The following FANCA variants were observed in gnomAD, a reference collection of about 807,000 sequenced individuals.
FANCA encodes FA complementation group A, also known as Fanconi anemia group A protein.
In FANCA, 236 loss-of-function variants were observed where a neutral mutation model predicts 194.3. That is an observed-to-expected ratio of 1.21 (90% CI 1.09 to 1.35). The LOEUF is 1.35. Among genes scored for constraint, FANCA ranks in the 40% most tolerant of loss-of-function variants. FANCA has a pLI of 0.00. For synonymous variants in FANCA, 1,014 were observed against 715.8 expected (o/e 1.42, Z -6.65); for missense variants, 2,628 against 1,813.9 (o/e 1.45, Z -8.15).
chr16:89,776,302 G>A (rs1056770904), intron 20 of FANCA, among the ~76,000 whole-genome samples: 3 of 150,692 alleles, frequency 2.0e-5, no homozygotes, highest in Admixed American at 6.6e-5. Context: ...CGAGTAGGTG[G>A]GATTACAGGC....
At chr16:89,813,868 T>G (rs2041001033) in intron 3 of FANCA, among the ~76,000 whole-genome samples, 1 of 152,070 alleles carries the variant, frequency 6.6e-6, no homozygotes, top group Admixed American at 6.6e-5. Context: ...TAACTATATC[T>G]TTAGCAGAAA....
chr16:89,776,458 C>T (rs2039509827), intron 20 of FANCA, among the ~76,000 whole-genome samples: 1 of 151,642 alleles, frequency 6.6e-6, no homozygotes, highest in African/African-American at 2.4e-5. Flanking sequence ...TGAGCCACCA[C>T]GCCCAGCAAA....
chr16:89,741,826 T>C (rs1420685761), intron 37 of FANCA, among the ~76,000 whole-genome samples: 1 of 152,218 alleles, frequency 6.6e-6, no homozygotes, highest in African/African-American at 2.4e-5. Context: ...TCAAGGCTAC[T>C]GCAGCATGAA....
intron 14 of FANCA, among the ~76,000 whole-genome samples, chr16:89,790,489 G>C (rs1339406523): frequency 6.6e-6 from 1 of 150,464 alleles, no homozygotes; most frequent in African/African-American, 2.5e-5. Context: ...CCAGCACTTT[G>C]GGAGGACAAG....
At chr16:89,805,254 G>A in intron 7 of FANCA, 26 bp downstream of exon 7, 1 of 1,574,554 alleles carries the variant, frequency 6.4e-7, no homozygotes, top group Non-Finnish European at 8.7e-7. Flanking sequence ...TTTTACCCAA[G>A]AACCCGCATC....
rs773036631 is a variant in FANCA at position 89,808,387 on chromosome 16, A to G, written c.523-20T>C. ...AGAACTCTGAAAAACAAAACAAAAC[A>G]AACAAAAACAAAAACAAAAAAACCC... is the stretch of plus-strand genomic sequence containing the variant. On this transcript the variant is annotated intron_variant, in intron 5 of 42. Coordinates refer to ENST00000389301, the MANE Select transcript of FANCA (RefSeq NM_000135.4). 1.2e-6 allele frequency: 2 copies of G among 1,609,656 alleles called. No homozygotes were observed. Among genetic ancestry groups the G allele is most frequent in the East Asian group, 4.5e-5 (2 of 44,868 alleles).
intron 11 of FANCA, among the ~76,000 whole-genome samples, chr16:89,795,551 T>C (rs1032838983): frequency 6.6e-6 from 1 of 151,938 alleles, no homozygotes; most frequent in Non-Finnish European, 1.5e-5. Context: ...GACACGAGAA[T>C]TGCTTGAACC....
At chr16:89,779,261 G>A (rs1000597838) in intron 18 of FANCA, among the ~76,000 whole-genome samples, 15 of 152,100 alleles carry the variant, frequency 9.9e-5, no homozygotes, top group African/African-American at 3.6e-4. Flanking sequence ...ATCAATCTGA[G>A]GCCACGAGGA....
chr16:89,779,720 A>C, intron 18 of FANCA, 149 bp downstream of exon 18: 2 of 729,060 alleles, frequency 2.7e-6, no homozygotes, highest in Non-Finnish European at 4.9e-6. Flanking sequence ...AATGGGACAC[A>C]CTCCAAAGAG....
Position 89,742,948 on chromosome 16 carries a change from A to G in FANCA, c.3627-10T>C. The G allele has an allele frequency of 6.2e-7, 1 of 1,613,570 alleles. No homozygotes were observed. The highest frequency in any genetic ancestry group is 1.1e-5 in the South Asian group (1 of 91,062). On this transcript the variant is annotated splice_polypyrimidine_tract_variant and intron_variant, in intron 36 of 42. Coordinates refer to ENST00000389301, the MANE Select transcript of FANCA (RefSeq NM_000135.4). ...CTCAGGGGAGAGGAAACTGGGACAG[A>G]GAGAACGGGGTCATTGCAGGGCCTT...
At chr16:89,807,535 A>C (rs1308281204) in intron 6 of FANCA, among the ~76,000 whole-genome samples, 1 of 152,004 alleles carries the variant, frequency 6.6e-6, no homozygotes, top group African/African-American at 2.4e-5. Flanking sequence ...GAATCACCTG[A>C]GGTTAGGAGT....
chr16:89,776,920 A>ATTT (rs2039525930), intron 20 of FANCA, among the ~76,000 whole-genome samples: 1 of 152,084 alleles, frequency 6.6e-6, no homozygotes, highest in Non-Finnish European at 1.5e-5. Context: ...TCTTAACATG[A>ATTT]TAAAGGGTAA....
chr16:89,767,598 G>A (rs138827439), intron 26 of FANCA, among the ~76,000 whole-genome samples: 2 of 152,166 alleles, frequency 1.3e-5, no homozygotes, highest in African/African-American at 4.8e-5. Flanking sequence ...TGCCAAGCCG[G>A]AGTAGAGTGG....
chr16:89,795,938 G>C lies in FANCA; in HGVS notation c.974C>G (p.Thr325Ser), dbSNP rs959066471. 1 of 1,614,100 alleles carries C rather than the reference G, an allele frequency of 6.2e-7. No individual in the cohort carries two copies. Among genetic ancestry groups the C allele is most frequent in the Non-Finnish European group, 8.5e-7 (1 of 1,179,938 alleles). Residue 325 changes from threonine (T) to serine (S), a missense_variant, in exon 11 of 43, where the codon ACT (threonine) becomes AGT (serine). Thr to Ser is a moderately conservative substitution (Grantham distance 58). Coordinates refer to ENST00000389301, the MANE Select transcript of FANCA (RefSeq NM_000135.4). ...CACAGGGCTGTGAGTGAGTATCTGA[G>C]TCAGGGTATGACTGAAGAACCTCTT... ...PLKRFFSHTL[T>S]QILTHSPVLK...
chr16:89,770,553 C>A lies in FANCA; in HGVS notation c.2222+11G>T, dbSNP rs749142282. ...GAGCCCCACCACTCAGGGAGCTGCCCGCGCCTTCACCTCTCCGGGGGAGCG... is the reference window on the plus strand; with the variant it reads ...GAGCCCCACCACTCAGGGAGCTGCCAGCGCCTTCACCTCTCCGGGGGAGCG... On this transcript the variant is annotated intron_variant, in intron 24 of 42. Coordinates refer to ENST00000389301, the MANE Select transcript of FANCA (RefSeq NM_000135.4). 1.3e-6 allele frequency: 2 copies of A among 1,599,664 alleles called. No homozygotes were observed. Among genetic ancestry groups the A allele is most frequent in the Non-Finnish European group, 1.7e-6 (2 of 1,173,046 alleles).
At chr16:89,761,282 G>T (rs1185971574) in intron 29 of FANCA, among the ~76,000 whole-genome samples, 1 of 152,048 alleles carries the variant, frequency 6.6e-6, no homozygotes, top group Non-Finnish European at 1.5e-5. Flanking sequence ...AGCTGGGTAT[G>T]GTGGCGGGCG....
At chr16:89,772,905 G>A (rs2039372817) in intron 22 of FANCA, among the ~76,000 whole-genome samples, 1 of 152,150 alleles carries the variant, frequency 6.6e-6, no homozygotes, top group Admixed American at 6.5e-5. Flanking sequence ...ACCATCACAT[G>A]GAAGCAGGAT....
At chr16:89,739,312 A>C in intron 40 of FANCA, 23 bp from the exon 41 acceptor site, 1 of 1,614,044 alleles carries the variant, frequency 6.2e-7, no homozygotes, top group South Asian at 1.1e-5. Flanking sequence ...ACATAGTGAC[A>C]AATGGCTACA....
rs546125120 is a variant in FANCA, at chr16:89,810,083, G to T, written c.522+624C>A. Reference sequence around the variant, plus strand: ...CACACTTGTAATCCCAGCACTTTGGGAGGCCGAGGTGGGCAGATCACGAGG... The same window carrying T: ...CACACTTGTAATCCCAGCACTTTGGTAGGCCGAGGTGGGCAGATCACGAGG... On this transcript the variant is annotated intron_variant, in intron 5 of 42. Coordinates refer to ENST00000389301, the MANE Select transcript of FANCA (RefSeq NM_000135.4). 4.6e-5 allele frequency among the ~76,000 whole-genome samples: 7 copies of T among 151,994 alleles called. No homozygotes were observed. The South Asian group carries it at 1.5e-3, about 32-fold the overall frequency.
Sources: gnomAD v4.1 joint callset for allele counts (sites outside exome capture counted in the v4.1 genomes callset) on GRCh38, gnomAD v4.1.1 for gene constraint, MANE v1.5 for transcripts, NCBI Gene and HGNC (gene_info 2026-07-23, HGNC 2026-07-21) for gene names.